MOSMO: variants seen among roughly 807,000 people sequenced by gnomAD.
The protein encoded by MOSMO is modulator of smoothened protein.
MOSMO carries 5 observed loss-of-function variants against 18.4 expected under a neutral mutation model. The observed-to-expected ratio is 0.27, with a 90% CI of 0.14 to 0.57. The LOEUF (loss-of-function observed/expected upper bound fraction) is 0.57, where lower values mean the gene tolerates loss of function less well. Ranked by LOEUF, MOSMO falls within the 20% of genes least tolerant of loss-of-function variation. The probability of loss-of-function intolerance (pLI) is 0.92; values close to 1 mark genes in which losing one functional copy is unlikely to be tolerated. For missense variants in MOSMO, 138 were observed against 211.8 expected (o/e 0.65, Z 2.16); for synonymous variants, 82 against 82.3 (o/e 1.00, Z 0.02).
intron 1 of MOSMO, among the ~76,000 whole-genome samples, chr16:22,065,997 G>A (rs751268677): frequency 3.3e-5 from 5 of 152,188 alleles, no homozygotes; most frequent in African/African-American, 4.8e-5. Context: ...CTGTATTTGG[G>A]TAAGAAAAGC....
chr16:22,018,196 G>T (rs1461239871), intron 1 of MOSMO, among the ~76,000 whole-genome samples: 1 of 152,080 alleles, frequency 6.6e-6, no homozygotes, highest in Non-Finnish European at 1.5e-5. Context: ...TTCAACTAGG[G>T]ACCATATTCT....
At chr16:22,072,449 ATG>A (rs1223976408) in intron 1 of MOSMO, among the ~76,000 whole-genome samples, 1 of 152,162 alleles carries the variant, frequency 6.6e-6, no homozygotes, top group East Asian at 1.9e-4. Flanking sequence ...TTTTTACTGA[ATG>A]TGTGAGCATA....
intron 1 of MOSMO, among the ~76,000 whole-genome samples, chr16:22,068,964 T>A (rs1278217890): frequency 1.3e-5 from 2 of 152,176 alleles, no homozygotes; most frequent in African/African-American, 4.8e-5. Context: ...CTCCACAAAT[T>A]CAGATGCTGC....
At chr16:22,038,421 C>G (rs1900148904) in intron 1 of MOSMO, among the ~76,000 whole-genome samples, 1 of 152,110 alleles carries the variant, frequency 6.6e-6, no homozygotes, top group Non-Finnish European at 1.5e-5. Flanking sequence ...ATTGATAATG[C>G]ACCAAAGTTG....
intron 1 of MOSMO, among the ~76,000 whole-genome samples, chr16:22,068,453 G>A (rs941134215): frequency 1.3e-5 from 2 of 152,158 alleles, no homozygotes; most frequent in Non-Finnish European, 2.9e-5. Flanking sequence ...TTTTCTTATA[G>A]TATTGTGCAA....
chr16:22,047,238 A>ATTTTTTT (rs770005970), intron 1 of MOSMO, among the ~76,000 whole-genome samples: 1 of 110,832 alleles, frequency 9.0e-6, no homozygotes, highest in Non-Finnish European at 1.9e-5. Flanking sequence ...ATGCACCATA[A>ATTTTTTT]TTTTTTTTTT....
At chr16:22,092,451 G>A (rs1901360105), downstream of MOSMO, 3 of 595,674 alleles carry the variant, frequency 5.0e-6, no homozygotes. Context: ...GGTGAGGAAG[G>A]TTTTCCCTTT....
chr16:22,075,427 G>A, intron 1 of MOSMO, 60 bp from the exon 2 acceptor site: 1 of 1,181,460 alleles, frequency 8.5e-7, no homozygotes, highest in East Asian at 3.8e-5. Context: ...GTGGTGGTGA[G>A]GAATATTCCC....
chr16:22,062,937 C>T (rs1179111490), intron 1 of MOSMO, among the ~76,000 whole-genome samples: 2 of 152,232 alleles, frequency 1.3e-5, no homozygotes, highest in Admixed American at 6.5e-5. Flanking sequence ...ACTGCAACCT[C>T]TGCCTCCCAG....
At chr16:22,029,910 GA>G in intron 1 of MOSMO, among the ~76,000 whole-genome samples, 1 of 152,182 alleles carries the variant, frequency 6.6e-6, no homozygotes, top group African/African-American at 2.4e-5. Flanking sequence ...TTACAGGCGT[GA>G]GCCATGGCAT....
chr16:22,032,399 C>T (rs1478907005), intron 1 of MOSMO, among the ~76,000 whole-genome samples: 4 of 152,148 alleles, frequency 2.6e-5, no homozygotes, highest in Non-Finnish European at 5.9e-5. Flanking sequence ...GCCATGTTGG[C>T]CAGGCTGGTC....
At chr16:22,051,142 C>T (rs1419165983) in intron 1 of MOSMO, among the ~76,000 whole-genome samples, 1 of 152,130 alleles carries the variant, frequency 6.6e-6, no homozygotes, top group Non-Finnish European at 1.5e-5. Context: ...AATCCCGGCA[C>T]TTTGGGAGGC....
chr16:22,036,050 C>G (rs866719818), intron 1 of MOSMO, among the ~76,000 whole-genome samples: 10 of 152,246 alleles, frequency 6.6e-5, no homozygotes, highest in Middle Eastern at 6.8e-3. Flanking sequence ...CTTAATTGCT[C>G]TAGATGTTAC....
At chr16:22,053,101 C>T (rs1166748706) in intron 1 of MOSMO, among the ~76,000 whole-genome samples, 2 of 151,510 alleles carry the variant, frequency 1.3e-5, no homozygotes, top group East Asian at 3.9e-4. Context: ...ACCACAGGCA[C>T]CCGCCACCAC....
At chr16:22,085,119 G>A (rs1219930782), downstream of MOSMO, 1 of 152,200 alleles carries the variant, frequency 6.6e-6, no homozygotes, top group Non-Finnish European at 1.5e-5. Context: ...AAATACAGAG[G>A]CCTTTAGGCC....
chr16:22,045,727 T>G (rs1900294061), intron 1 of MOSMO, among the ~76,000 whole-genome samples: 1 of 152,212 alleles, frequency 6.6e-6, no homozygotes, highest in Admixed American at 6.5e-5. Flanking sequence ...CTAAAATACT[T>G]ATGGATAATT....
intron 1 of MOSMO, among the ~76,000 whole-genome samples, chr16:22,046,379 A>G (rs1184151522): frequency 1.3e-5 from 2 of 152,254 alleles, no homozygotes; most frequent in East Asian, 1.9e-4. Flanking sequence ...AGGTTCCTGC[A>G]GGTCTCTGGT....
At chr16:22,025,585 A>G (rs540482978) in intron 1 of MOSMO, among the ~76,000 whole-genome samples, 5 of 152,306 alleles carry the variant, frequency 3.3e-5, no homozygotes, top group African/African-American at 1.2e-4. Flanking sequence ...CATCAAATTA[A>G]TCATGTAACC....
intron 1 of MOSMO, 178 bp from the exon 2 acceptor site, chr16:22,075,309 T>C: frequency 2.9e-6 from 2 of 697,518 alleles, no homozygotes; most frequent in South Asian, 3.0e-5. Context: ...CTTTGTATGT[T>C]AAACTAAGTA....
Sources: allele counts gnomAD v4.1 joint callset (sites outside exome capture counted in the v4.1 genomes callset), GRCh38; gene constraint gnomAD v4.1.1; transcripts MANE v1.5; gene names NCBI Gene and HGNC (gene_info 2026-07-23, HGNC 2026-07-21).